The following AP2A2 variants were observed in gnomAD, a reference collection of about 807,000 sequenced individuals.
The protein encoded by AP2A2 is AP-2 complex subunit alpha-2.
Under a neutral mutation model 104.2 loss-of-function variants are expected in AP2A2, and 32 were observed. That is an observed-to-expected ratio of 0.31 (90% CI 0.23 to 0.41). The LOEUF is 0.41. AP2A2 is among the 10% of genes least tolerant of loss of function. AP2A2 has a pLI of 1.00. For synonymous variants in AP2A2, 539 were observed against 533.3 expected, an observed-to-expected ratio of 1.01 and a Z score of -0.15; for missense variants, 912 against 1,261.0, an observed-to-expected ratio of 0.72 and a Z score of 4.19.
At chr11:926,530 CATG>C (rs1375928612) in intron 1 of AP2A2, among the ~76,000 whole-genome samples, 2 of 152,168 alleles carry the variant, frequency 1.3e-5, no homozygotes, top group African/African-American at 4.8e-5. Context: ...CCCTCCCCAG[CATG>C]ATGTCACCTT....
intron 3 of AP2A2, among the ~76,000 whole-genome samples, chr11:971,493 ACT>A (rs1854827231): frequency 6.6e-6 from 1 of 151,984 alleles, no homozygotes; most frequent in South Asian, 2.1e-4. Context: ...GGAGAAAACC[ACT>A]GTTTCCCTCC....
rs555207380 is a variant in AP2A2 at position 968,735 on chromosome 11, G to A, written c.137-1434G>A. ...CCCTCCTGCACAAACAGGGCACGGA[G>A]AACGTGTCTGCTGGGACCCCTTGGG... On this transcript the variant is annotated intron_variant, in intron 2 of 21. Transcript: ENST00000448903. The surrounding 1 kb of genome is among the most constrained non-coding windows in gnomAD (Gnocchi z 4.2). 3.4e-4 allele frequency among the ~76,000 whole-genome samples: 51 copies of A among 151,804 alleles called. No individual in the cohort carries two copies. The highest frequency in any genetic ancestry group is 6.8e-3 in the Middle Eastern group (2 of 294).
chr11:965,910 A>G (rs1854599007), intron 2 of AP2A2, among the ~76,000 whole-genome samples: 1 of 152,176 alleles, frequency 6.6e-6, no homozygotes, highest in Non-Finnish European at 1.5e-5. Flanking sequence ...GCATGATCCT[A>G]ACTCACTGCA....
intron 14 of AP2A2, among the ~76,000 whole-genome samples, chr11:998,155 C>G (rs993606299): frequency 6.6e-6 from 1 of 152,208 alleles, no homozygotes; most frequent in Non-Finnish European, 1.5e-5. Context: ...CATCGAGACA[C>G]GCCTTGGATA....
chr11:970,040 T>A (rs1854764030), intron 2 of AP2A2, 129 bp from the exon 3 acceptor site: 3 of 955,822 alleles, frequency 3.1e-6, no homozygotes, highest in Non-Finnish European at 3.2e-6. Context: ...TGCACCTGCC[T>A]GGGCCCGGCC....
At chr11:984,523 A>G (rs984170645) in intron 6 of AP2A2, 122 bp from the exon 7 acceptor site, 1 of 852,600 alleles carries the variant, frequency 1.2e-6, no homozygotes, top group Non-Finnish European at 1.9e-6. Context: ...CTCTTGGCAC[A>G]TGAAACAAAA....
chr11:1,010,325 C>T, intron 21 of AP2A2: 1 of 587,254 alleles, frequency 1.7e-6, no homozygotes, highest in Non-Finnish European at 3.0e-6. Flanking sequence ...GGCCGTGCCA[C>T]TTTGCACTCC....
chr11:946,392 A>G (rs368977112), intron 1 of AP2A2: 20 of 152,340 alleles, frequency 1.3e-4, no homozygotes, highest in African/African-American at 3.6e-4. Flanking sequence ...TTGCCATCGT[A>G]TGAGCTAGCT....
chr11:986,630 G>A (rs139029850), intron 8 of AP2A2, among the ~76,000 whole-genome samples, 155 bp from the exon 9 acceptor site: 16 of 152,352 alleles, frequency 1.1e-4, no homozygotes, highest in Middle Eastern at 6.8e-3. Flanking sequence ...CTGCATCTGG[G>A]GAGGCCCCCG....
At chr11:939,903 C>G (rs1307782185) in intron 1 of AP2A2, among the ~76,000 whole-genome samples, 3 of 148,950 alleles carry the variant, frequency 2.0e-5, no homozygotes, top group Admixed American at 2.0e-4. Flanking sequence ...ACTTTTGGGT[C>G]AGTTTTTAAT....
Position 1,000,569 on chromosome 11 carries a change from C to G in AP2A2, c.2094C>G (p.Leu698=), listed in dbSNP as rs756766360. The G allele has an allele frequency of 1.3e-6, 2 of 1,550,506 alleles. No individual in the cohort carries two copies. Among genetic ancestry groups the G allele is most frequent in the Admixed American group, 1.9e-5 (1 of 52,850 alleles). The part of the protein sequence containing the change: ...FSDSASVVAP[L]APGSEDNFAR... ...ACTCGGCCTCTGTGGTCGCGCCTCTCGCTCCTGGCTCCGAAGACAACTTTG... is the reference window on the plus strand; with the variant it reads ...ACTCGGCCTCTGTGGTCGCGCCTCTGGCTCCTGGCTCCGAAGACAACTTTG... Residue 698 remains leucine (L), a synonymous_variant, in exon 15 of 22, where the codon CTC becomes CTG. Transcript: ENST00000448903.
At chr11:937,233 TG>T (rs1853488020) in intron 1 of AP2A2, among the ~76,000 whole-genome samples, 1 of 152,084 alleles carries the variant, frequency 6.6e-6, no homozygotes, top group South Asian at 2.1e-4. Context: ...TTGGCCAGGC[TG>T]GTCTCGAACT....
intron 1 of AP2A2, among the ~76,000 whole-genome samples, chr11:928,457 G>A (rs1185717418): frequency 6.6e-6 from 1 of 152,182 alleles, no homozygotes; most frequent in African/African-American, 2.4e-5. Context: ...TGTGGATATG[G>A]GGAAACTGCT....
chr11:1,007,690 C>T, intron 17 of AP2A2: 1 of 418,568 alleles, frequency 2.4e-6, no homozygotes, highest in Admixed American at 4.2e-5. Flanking sequence ...CTACTAAGCA[C>T]CAGTTTCTGC....
rs1411471549 is a variant in AP2A2 at position 933,772 on chromosome 11, C to G, written c.67+7684C>G. Among the ~76,000 whole-genome samples the G allele has an allele frequency of 9.9e-5, 15 of 152,168 alleles. 1 individual carries two copies. The highest frequency in any genetic ancestry group is 9.8e-4 in the Admixed American group (15 of 15,274). ...CCCAGAGACACAGGGAGCTTGGAAC[C>G]ATGCTTCTGTATTCAGACATGACTT... On this transcript the variant is annotated intron_variant, in intron 1 of 21. Coordinates refer to ENST00000448903, the MANE Select transcript of AP2A2 (RefSeq NM_012305.4).
chr11:989,198 A>G (rs1031435676), intron 10 of AP2A2, among the ~76,000 whole-genome samples: 1 of 152,088 alleles, frequency 6.6e-6, no homozygotes, highest in African/African-American at 2.4e-5. Flanking sequence ...GTAGTGGCGC[A>G]TGCCTGTAAT....
intron 1 of AP2A2, among the ~76,000 whole-genome samples, chr11:955,470 A>G (rs1854204487): frequency 6.6e-6 from 1 of 152,164 alleles, no homozygotes; most frequent in Non-Finnish European, 1.5e-5. Context: ...GGATGCTGAG[A>G]CGCTGGGCAG....
chr11:977,298 G>A, intron 5 of AP2A2, 74 bp downstream of exon 5: 4 of 1,509,606 alleles, frequency 2.6e-6, no homozygotes, highest in Non-Finnish European at 2.7e-6. Flanking sequence ...AGACACCATG[G>A]TGCGCCTTCT....
At position 1,010,652 on chromosome 11, in the gene AP2A2, G is replaced by A. The variant is rs1170987644; in HGVS notation, c.*27G>A. 1.3e-6 allele frequency: 2 copies of A among 1,547,434 alleles called. No homozygotes were observed. The highest frequency in any genetic ancestry group is 2.7e-5 in the African/African-American group (2 of 73,452). On this transcript the variant is annotated 3_prime_UTR_variant, in exon 22 of 22. Coordinates refer to ENST00000448903, the MANE Select transcript of AP2A2 (RefSeq NM_012305.4). ...CCTGAGGATGGAAGACCAGGCTCGTGTGTCTTGTGTTGTCTTCGTCTGTGC... is the reference window on the plus strand; with the variant it reads ...CCTGAGGATGGAAGACCAGGCTCGTATGTCTTGTGTTGTCTTCGTCTGTGC...
Sources: gnomAD v4.1 joint callset for allele counts (sites outside exome capture counted in the v4.1 genomes callset) on GRCh38, gnomAD v4.1.1 for gene constraint, Gnocchi (gnomAD v3.1) non-coding constraint, MANE v1.5 for transcripts, NCBI Gene and HGNC (gene_info 2026-07-23, HGNC 2026-07-21) for gene names.